The following OGDHL variants were observed in gnomAD, a reference collection of about 807,000 sequenced individuals.
OGDHL encodes 2-oxoglutarate dehydrogenase-like, mitochondrial.
In OGDHL, 79 loss-of-function variants were observed where a neutral mutation model predicts 109.6. The ratio of observed to expected loss-of-function variants is 0.72; its 90% CI spans 0.60 to 0.87. OGDHL has a LOEUF of 0.87. Among genes scored for constraint, OGDHL ranks in the 40% least tolerant of loss-of-function variants. The probability of loss-of-function intolerance (pLI) is 0.00; values close to 1 mark genes in which losing one functional copy is unlikely to be tolerated. For synonymous variants in OGDHL, 528 were observed against 537.2 expected (o/e 0.98, Z 0.24); for missense variants, 1,275 against 1,362.2 (o/e 0.94, Z 1.01).
Position 49,747,316 on chromosome 10 carries a change from C to A in OGDHL, c.988-108G>T, listed in dbSNP as rs1590729872. The A allele has an allele frequency of 4.8e-6, 6 of 1,243,154 alleles. No individual in the cohort carries two copies. The South Asian group carries it at 8.3e-5, about 17-fold the overall frequency. 77.0% of individuals were successfully genotyped at this position (1,243,154 alleles called of 1,614,324 possible). On this transcript the variant is annotated intron_variant, in intron 8 of 22. Coordinates refer to ENST00000374103, the MANE Select transcript of OGDHL (RefSeq NM_018245.3). Reference sequence around the variant, plus strand: ...GTCAGGCTGGCACATTCCCCCGATCCCACTGCCTCAGAGGGCCAAGCTGTC... The same window carrying A: ...GTCAGGCTGGCACATTCCCCCGATCACACTGCCTCAGAGGGCCAAGCTGTC...
intron 15 of OGDHL, 33 bp downstream of exon 15, chr10:49,742,795 T>C (rs747214257): frequency 6.3e-7 from 1 of 1,597,920 alleles, no homozygotes; most frequent in South Asian, 1.1e-5. Context: ...GCTCCAGGTC[T>C]CCTGTGCGGA....
intron 1 of OGDHL, chr10:49,758,820 G>A (rs1202064780): frequency 1.2e-5 from 7 of 594,046 alleles, no homozygotes; most frequent in Non-Finnish European, 2.1e-5. Context: ...AAACAGCCCT[G>A]AGCCCCAGCC....
At chr10:49,752,576 G>A (rs911432681) in intron 4 of OGDHL, 62 bp downstream of exon 4, 27 of 1,390,078 alleles carry the variant, frequency 1.9e-5, no homozygotes, top group African/African-American at 7.1e-5. Flanking sequence ...CCTAGTGCCC[G>A]TGGGCCCCTT....
At chr10:49,735,953 A>C in intron 22 of OGDHL, 70 bp downstream of exon 22, 1 of 1,486,112 alleles carries the variant, frequency 6.7e-7, no homozygotes, top group East Asian at 2.3e-5. Context: ...AGCATGGCCT[A>C]TGGGACAGAT....
intron 8 of OGDHL, 102 bp downstream of exon 8, chr10:49,749,624 A>T: frequency 1.0e-6 from 1 of 994,310 alleles, no homozygotes; most frequent in Non-Finnish European, 1.5e-6. Flanking sequence ...CATCCATCTT[A>T]AGGTTTATCT....
intron 10 of OGDHL, 98 bp downstream of exon 10, chr10:49,746,652 G>C (rs1479710743): frequency 4.7e-6 from 7 of 1,489,472 alleles, no homozygotes; most frequent in South Asian, 3.8e-5. Flanking sequence ...ACAGCAGTGG[G>C]CTCAGAGCCA....
Position 49,738,066 on chromosome 10 carries a change from T to C in OGDHL, c.2398A>G (p.Thr800Ala), listed in dbSNP as rs761419348. 5 of 1,613,958 alleles carry C rather than the reference T, an allele frequency of 3.1e-6. No individual in the cohort carries two copies. In the South Asian group the frequency reaches 5.5e-5, roughly 18 times the overall value. ...AGCTGGCTCACCTCGAAGTCCTTGGTGAATGCCTGTGGGGACGAGATGCAT... is the reference window on the plus strand; with the variant it reads ...AGCTGGCTCACCTCGAAGTCCTTGGCGAATGCCTGTGGGGACGAGATGCAT... The part of the protein sequence containing the change: ...NDDSDAYPAF[T>A]KDFEVSQLYD... Residue 800 changes from threonine to alanine, a missense_variant, in exon 19 of 23, where the codon ACC (threonine) becomes GCC (alanine). By Grantham distance (58) the Thr-to-Ala change is moderately conservative. Coordinates refer to ENST00000374103, the MANE Select transcript of OGDHL (RefSeq NM_018245.3).
At chr10:49,752,526 T>G (rs1488910105) in intron 4 of OGDHL, 112 bp downstream of exon 4, 1 of 921,212 alleles carries the variant, frequency 1.1e-6, no homozygotes, top group Non-Finnish European at 1.8e-6. Context: ...CCCTGTGGGC[T>G]GCTCCCCGAG....
Position 49,737,827 on chromosome 10 carries a change from C to T in OGDHL, c.2549G>A (p.Arg850Lys), listed in dbSNP as rs1304997326. 1 of 1,614,212 alleles carries T rather than the reference C, an allele frequency of 6.2e-7. No homozygotes were observed. Among genetic ancestry groups the T allele is most frequent in the Non-Finnish European group, 8.5e-7 (1 of 1,180,026 alleles). ...AAAGCTGGACTTGGCCTCTGGGTGC[C>T]TCAGCAGAGATTTAGGTGTGAAGAT... Reference protein sequence around the residue: ...LIIFTPKSLLRHPEAKSSFDQ... With the variant: ...LIIFTPKSLLKHPEAKSSFDQ... The change falls in exon 20 of 23, where the codon AGG (arginine) becomes AAG (lysine). Residue 850 changes from arginine (R) to lysine (K), a missense_variant. Physicochemically the swap from Arg to Lys is conservative, Grantham distance 26. Coordinates refer to ENST00000374103, the MANE Select transcript of OGDHL (RefSeq NM_018245.3).
chr10:49,737,732 A>T, intron 20 of OGDHL, 54 bp downstream of exon 20: 1 of 1,597,824 alleles, frequency 6.3e-7, no homozygotes, highest in Non-Finnish European at 8.6e-7. Context: ...GAAGCCACAC[A>T]ATGGGCCACC....
Position 49,735,060 on chromosome 10 carries a change from G to C in OGDHL, c.*168C>G, listed in dbSNP as rs1028506972. The C allele has an allele frequency of 1.7e-5, 13 of 770,366 alleles. No individual in the cohort carries two copies. The East Asian group carries it at 3.3e-4, about 19-fold the overall frequency. 47.7% of individuals were successfully genotyped at this position (770,366 alleles called of 1,614,324 possible). On this transcript the variant is annotated 3_prime_UTR_variant, in exon 23 of 23. Coordinates refer to ENST00000374103, the MANE Select transcript of OGDHL (RefSeq NM_018245.3). ...GCTCCCTCAGTCCTGGTAGATTCTG[G>C]CATGACACCAAGGCCAGCAGTGCTG...
chr10:49,759,924 C>T (rs766871291), intron 1 of OGDHL, among the ~76,000 whole-genome samples: 16 of 152,346 alleles, frequency 1.1e-4, no homozygotes, highest in African/African-American at 2.4e-4. Context: ...CCTGAGCCAA[C>T]GCTCCTGGTC....
At chr10:49,739,883 G>A in intron 16 of OGDHL, 44 bp from the exon 17 acceptor site, 1 of 1,575,660 alleles carries the variant, frequency 6.3e-7, no homozygotes. Context: ...CAGTCACCAA[G>A]TGGCAGTGGC....
At chr10:49,742,357 AACACACCACACACCCACAAAT>A (rs1394717788) in intron 15 of OGDHL, among the ~76,000 whole-genome samples, 2 of 5,566 alleles carry the variant, frequency 3.6e-4, no homozygotes, top group African/African-American at 1.2e-3. Flanking sequence ...TGCACCACAC[AACACACCACACACCCACAAAT>A]ACACACCACA....
Position 49,734,902 on chromosome 10 carries a change from G to A in OGDHL, c.*326C>T, listed in dbSNP as rs540870457. On this transcript the variant is annotated 3_prime_UTR_variant, in exon 23 of 23. Coordinates refer to ENST00000374103, the MANE Select transcript of OGDHL (RefSeq NM_018245.3). ...AGCAGCAGCCAGGGCTGCCGGGATG[G>A]GAGCGGCCACAGACACAGGCCCCCG... 1.9e-4 allele frequency: 37 copies of A among 195,608 alleles called. No individual in the cohort carries two copies. The highest frequency in any genetic ancestry group is 5.3e-4 in the Admixed American group (9 of 17,086). 12.1% of individuals were successfully genotyped at this position (195,608 alleles called of 1,614,324 possible). A position where few individuals can be genotyped will look rare whatever the true frequency, so the allele number is the denominator to read the frequency against.
rs1211616078 is a variant in OGDHL at position 49,749,836 on chromosome 10, G to A, written c.897-20C>T. 6.4e-7 allele frequency: 1 copy of A among 1,571,362 alleles called. No homozygotes were observed. On this transcript the variant is annotated intron_variant, in intron 7 of 22. Coordinates refer to ENST00000374103, the MANE Select transcript of OGDHL (RefSeq NM_018245.3). Reference sequence around the variant, plus strand: ...CTTCCCCTGGAGCCAGAGGGGCCGGGCTCTCACCTGGCAAAGCCCGCAGGC... The same window carrying A: ...CTTCCCCTGGAGCCAGAGGGGCCGGACTCTCACCTGGCAAAGCCCGCAGGC...
chr10:49,742,968 G>A lies in OGDHL; in HGVS notation c.1872C>T (p.Arg624=). 2 of 1,613,134 alleles carry A rather than the reference G, an allele frequency of 1.2e-6. No homozygotes were observed. Among genetic ancestry groups the A allele is most frequent in the South Asian group, 2.2e-5 (2 of 91,072 alleles). Residue 624 remains arginine, a synonymous_variant, in exon 15 of 23, where the codon CGC becomes CGT. Transcript: ENST00000374103. ...TCATGTCCGCACGGCCCCGCAGAATGCGAGAGAGGCCTGTGGGAAAGGAGT... is the reference window on the plus strand; with the variant it reads ...TCATGTCCGCACGGCCCCGCAGAATACGAGAGAGGCCTGTGGGAAAGGAGT... ...EDFKIHTGLS[R]ILRGRADMTK... is the part of the protein sequence containing the mutation.
rs539015952 is a variant in OGDHL at position 49,757,764 on chromosome 10, G to A, written c.204+625C>T. On this transcript the variant is annotated intron_variant, in intron 2 of 22. Transcript: ENST00000374103. ...AACAGCAGGGAGCAAAACAGTATGT[G>A]TTACAGGTTACTTTTGCGTAAAGGG... Among the ~76,000 whole-genome samples the A allele has an allele frequency of 9.2e-5, 14 of 152,336 alleles. 1 individual carries two copies. The highest frequency in any genetic ancestry group is 7.7e-4 in the East Asian group (4 of 5,192).
intron 4 of OGDHL, 130 bp from the exon 5 acceptor site, chr10:49,752,378 G>C: frequency 1.3e-6 from 1 of 747,562 alleles, no homozygotes; most frequent in Non-Finnish European, 2.3e-6. Flanking sequence ...CCAACCTGGG[G>C]AGCAGAAGTG....
Sources: allele counts gnomAD v4.1 joint callset (sites outside exome capture counted in the v4.1 genomes callset), GRCh38; gene constraint gnomAD v4.1.1; transcripts MANE v1.5; gene names NCBI Gene and HGNC (gene_info 2026-07-23, HGNC 2026-07-21).